The following RPS6KA1 variants were observed in gnomAD, a reference collection of about 807,000 sequenced individuals.
The protein encoded by RPS6KA1 is ribosomal protein S6 kinase A1, also known as ribosomal protein S6 kinase alpha-1.
Under a neutral mutation model 91.3 loss-of-function variants are expected in RPS6KA1, and 48 were observed. The ratio of observed to expected loss-of-function variants is 0.53; its 90% CI spans 0.42 to 0.67. The LOEUF is 0.67. Among genes scored for constraint, RPS6KA1 ranks in the 30% least tolerant of loss-of-function variants. RPS6KA1 has a pLI of 0.00. For synonymous variants in RPS6KA1, 359 were observed against 384.7 expected (o/e 0.93, Z 0.78); for missense variants, 719 against 960.5 (o/e 0.75, Z 3.32).
At chr1:26,545,326 G>T (rs895664964) in intron 2 of RPS6KA1, among the ~76,000 whole-genome samples, 5 of 129,320 alleles carry the variant, frequency 3.9e-5, no homozygotes, top group Non-Finnish European at 6.6e-5. Context: ...TGACCACCAC[G>T]CCTGGCCAAT....
intron 1 of RPS6KA1, among the ~76,000 whole-genome samples, chr1:26,535,876 C>T (rs1309875361): frequency 6.6e-6 from 1 of 152,064 alleles, no homozygotes; most frequent in Non-Finnish European, 1.5e-5. Context: ...AGGGGCCAGG[C>T]GCAGTGGCTC....
chr1:26,545,716 G>A, intron 2 of RPS6KA1: 1 of 811,424 alleles, frequency 1.2e-6, no homozygotes, highest in Non-Finnish European at 1.8e-6. Flanking sequence ...GGGGGAGAGA[G>A]AGGAAGGGAA....
At chr1:26,530,137 T>A (rs960980664) in intron 1 of RPS6KA1, among the ~76,000 whole-genome samples, 154 bp downstream of exon 1, 2 of 152,050 alleles carry the variant, frequency 1.3e-5, no homozygotes, top group African/African-American at 4.8e-5. Context: ...TCCACCCCCC[T>A]ATGCCCGGGT....
In RPS6KA1 at chr1:26,555,589, C is replaced by T. The variant is rs748150049; in HGVS notation, c.880C>T (p.Arg294Trp). Residue 294 changes from arginine (R) to tryptophan (W), a missense_variant, in exon 11 of 22, where the codon CGG becomes TGG. Around this residue, in one of 5 missense-constraint regions of RPS6KA1, gnomAD observed 228 missense variants for 247.6 expected, o/e 0.92. Coordinates refer to ENST00000374168, the MANE Select transcript of RPS6KA1 (RefSeq NM_002953.4). This position sits in a 1 kb window ranked among gnomAD's most constrained non-coding sequence, Gnocchi z 4.3. ...FLSTEAQSLL[R>W]ALFKRNPANR... ...GAGCACTGAAGCCCAGAGCCTCTTG[C>T]GGGCCCTGTTCAAGCGGAATCCTGC... is the stretch of plus-strand genomic sequence containing the variant. 3.7e-6 allele frequency: 6 copies of T among 1,601,210 alleles called. No individual in the cohort carries two copies. In the African/African-American group the frequency reaches 4.0e-5, roughly 11 times the overall value.
At chr1:26,543,995 G>T in intron 2 of RPS6KA1, 6 of 441,830 alleles carry the variant, frequency 1.4e-5, no homozygotes, top group South Asian at 9.4e-5. Flanking sequence ...TCAGAGGTGG[G>T]TCTGCAAGAA....
In RPS6KA1 at chr1:26,540,390, CTTTCTCT is replaced by C. The variant is rs774951083; in HGVS notation, c.108+3422_108+3428del. Among the ~76,000 whole-genome samples, 23 of 152,320 alleles carry C rather than the reference CTTTCTCT, an allele frequency of 1.5e-4. No homozygotes were observed. The highest frequency in any genetic ancestry group is 6.5e-4 in the Admixed American group (10 of 15,298). On this transcript the variant is annotated intron_variant, in intron 2 of 21. Transcript: ENST00000374168. This position sits in a 1 kb window ranked among gnomAD's most constrained non-coding sequence, Gnocchi z 4.2. ...CCTTAAGCCCCTTGGTCACACAGGT[CTTTCTCT>C]ACCTGGAGTGTCTTTTTTTCCTCCT...
intron 1 of RPS6KA1, among the ~76,000 whole-genome samples, chr1:26,532,417 A>T (rs1265416383): frequency 6.6e-6 from 1 of 152,142 alleles, no homozygotes; most frequent in Non-Finnish European, 1.5e-5. Flanking sequence ...CCAGGATTGG[A>T]ACCAAGATCT....
chr1:26,544,425 G>A (rs2075974258), intron 2 of RPS6KA1, among the ~76,000 whole-genome samples: 1 of 151,308 alleles, frequency 6.6e-6, no homozygotes, highest in Non-Finnish European at 1.5e-5. Context: ...TGTTGGGTTT[G>A]TGTCACCATC....
chr1:26,573,280 G>A lies in RPS6KA1; in HGVS notation c.2004G>A (p.Gln668=). The stretch of plus-strand genomic sequence containing the variant: ...CCCACCAGCGCCTCACAGCTAAGCA[G>A]GTTCTGCAGCATCCATGGGTCACCC... ...VDPHQRLTAK[Q]VLQHPWVTQK... Residue 668 remains glutamine (Q), a synonymous_variant, in exon 21 of 22, where the codon CAG becomes CAA. Coordinates refer to ENST00000374168, the MANE Select transcript of RPS6KA1 (RefSeq NM_002953.4). The A allele has an allele frequency of 6.2e-7, 1 of 1,614,198 alleles. No homozygotes were observed. The highest frequency in any genetic ancestry group is 1.7e-5 in the Admixed American group (1 of 60,020).
intron 17 of RPS6KA1, among the ~76,000 whole-genome samples, chr1:26,565,569 T>C (rs911500893): frequency 6.6e-6 from 1 of 151,194 alleles, no homozygotes; most frequent in Non-Finnish European, 1.5e-5. Context: ...TTTTCTTTTC[T>C]TTTTTTTTGA....
intron 17 of RPS6KA1, among the ~76,000 whole-genome samples, chr1:26,568,513 C>T (rs1284628923): frequency 6.6e-6 from 1 of 152,100 alleles, no homozygotes; most frequent in East Asian, 1.9e-4. Context: ...CTTTGGGAGG[C>T]TGAGGCAGGT....
intron 2 of RPS6KA1, among the ~76,000 whole-genome samples, chr1:26,539,286 G>A (rs2075929224): frequency 6.6e-6 from 1 of 152,236 alleles, no homozygotes; most frequent in Non-Finnish European, 1.5e-5. Flanking sequence ...TGCCGTGCAT[G>A]GCCGAGGAAG....
Position 26,574,422 on chromosome 1 carries a change from C to T in RPS6KA1, c.*221C>T, listed in dbSNP as rs1234330703. On this transcript the variant is annotated 3_prime_UTR_variant, in exon 22 of 22. Coordinates refer to ENST00000374168, the MANE Select transcript of RPS6KA1 (RefSeq NM_002953.4). This position sits in a 1 kb window ranked among gnomAD's most constrained non-coding sequence, Gnocchi z 4.3. ...GGCTCTGCTGGTGGAAAGCGATTCA[C>T]TGTATAAACTTTTTTTTATGAAAAA... is the stretch of plus-strand genomic sequence containing the variant. 1.3e-6 allele frequency: 1 copy of T among 758,478 alleles called. No homozygotes were observed. 47.0% of individuals were successfully genotyped at this position (758,478 alleles called of 1,614,324 possible). A position where few individuals can be genotyped will look rare whatever the true frequency, so the allele number is the denominator to read the frequency against.
At position 26,554,861 on chromosome 1, in the gene RPS6KA1, C is replaced by A. The variant is rs551388456; in HGVS notation, c.756+123C>A. The A allele has an allele frequency of 5.2e-6, 7 of 1,335,766 alleles. No individual in the cohort carries two copies. Among genetic ancestry groups the A allele is most frequent in the African/African-American group, 1.5e-5 (1 of 68,030 alleles). 82.7% of individuals were successfully genotyped at this position (1,335,766 alleles called of 1,614,324 possible). On this transcript the variant is annotated intron_variant, in intron 9 of 21. Coordinates refer to ENST00000374168, the MANE Select transcript of RPS6KA1 (RefSeq NM_002953.4). This position sits in a 1 kb window ranked among gnomAD's most constrained non-coding sequence, Gnocchi z 4.6. ...CCGTCTCCTCTCACAGCCAAGCTGG[C>A]CTCACCCTATATGCACCTGCAGTTT... is the stretch of plus-strand genomic sequence containing the variant.
intron 11 of RPS6KA1, chr1:26,556,152 T>C (rs1228284063): frequency 5.0e-6 from 1 of 201,526 alleles, no homozygotes; most frequent in Non-Finnish European, 1.0e-5. Context: ...TGTGTGAACA[T>C]GCCGGCATGT....
At chr1:26,556,018 G>A (rs1039885087) in intron 11 of RPS6KA1, 3 of 265,082 alleles carry the variant, frequency 1.1e-5, no homozygotes, top group African/African-American at 6.5e-5. Flanking sequence ...TTAAACGAAT[G>A]AGGCCACTTA....
In RPS6KA1 at chr1:26,571,337, A is replaced by G. The variant is rs2124672349; in HGVS notation, c.1591-112A>G. On this transcript the variant is annotated intron_variant, in intron 17 of 21. Coordinates refer to ENST00000374168, the MANE Select transcript of RPS6KA1 (RefSeq NM_002953.4). The surrounding 1 kb of genome is among the most constrained non-coding windows in gnomAD (Gnocchi z 5.1). ...TCCCCTTCTCTCGGATGCCAAGTCC[A>G]TGCACCCGTCCCTCTGCACCCTGTC... 1.0e-6 allele frequency: 1 copy of G among 982,890 alleles called. No individual in the cohort carries two copies. The highest frequency in any genetic ancestry group is 2.2e-5 in the Admixed American group (1 of 45,332). The allele number at this position is 982,890 out of a possible 1,614,324, so 60.9% of individuals were successfully genotyped here. A position where few individuals can be genotyped will look rare whatever the true frequency, so the allele number is the denominator to read the frequency against.
chr1:26,567,448 T>G (rs1337243420), intron 17 of RPS6KA1, among the ~76,000 whole-genome samples: 1 of 152,054 alleles, frequency 6.6e-6, no homozygotes, highest in Admixed American at 6.5e-5. Flanking sequence ...TGGCGCAGTC[T>G]CGGCTCACTG....
chr1:26,567,134 G>A (rs564160057), intron 17 of RPS6KA1, among the ~76,000 whole-genome samples: 66 of 151,294 alleles, frequency 4.4e-4, no homozygotes, highest in African/African-American at 1.5e-3. Flanking sequence ...CTTCCTCCTC[G>A]GCAACCTGCA....
Sources: gnomAD v4.1 joint callset for allele counts (sites outside exome capture counted in the v4.1 genomes callset) on GRCh38, gnomAD v4.1.1 for gene constraint, gnomAD v4.1.1 regional missense constraint, Gnocchi (gnomAD v3.1) non-coding constraint, MANE v1.5 for transcripts, NCBI Gene and HGNC (gene_info 2026-07-23, HGNC 2026-07-21) for gene names.